The following CSMD1 variants were observed in gnomAD, a reference collection of about 807,000 sequenced individuals.
The protein encoded by CSMD1 is CUB and sushi domain-containing protein 1.
In CSMD1, 213 loss-of-function variants were observed where a neutral mutation model predicts 417.5. The observed-to-expected ratio is 0.51, with a 90% confidence interval of 0.46 to 0.57. The LOEUF (loss-of-function observed/expected upper bound fraction) is 0.57. Among genes scored for constraint, CSMD1 ranks in the 20% least tolerant of loss-of-function variants. CSMD1 has a pLI of 0.00. For synonymous variants in CSMD1, 2,862 were observed against 1,736.8 expected (o/e 1.65, Z -16.11); for missense variants, 6,923 against 4,529.7 (o/e 1.53, Z -15.17).
intron 5 of CSMD1, among the ~76,000 whole-genome samples, chr8:3,922,618 G>T (rs1225055512): frequency 6.6e-6 from 1 of 152,008 alleles, no homozygotes; most frequent in African/African-American, 2.4e-5. Flanking sequence ...AGTCTATTTT[G>T]TGGCTGATAA....
intron 3 of CSMD1, among the ~76,000 whole-genome samples, chr8:4,075,865 A>G (rs567620395): frequency 1.4e-4 from 22 of 152,200 alleles, no homozygotes; most frequent in African/African-American, 5.1e-4. Context: ...GAGCCAGTTC[A>G]TATCTGTTCT....
At chr8:3,006,578 T>C (rs1807924361) in intron 52 of CSMD1, among the ~76,000 whole-genome samples, 2 of 151,090 alleles carry the variant, frequency 1.3e-5, no homozygotes. Flanking sequence ...AGCAGAGATA[T>C]AGATCAATGG....
At chr8:4,016,095 G>A (rs1796510095) in intron 4 of CSMD1, among the ~76,000 whole-genome samples, 2 of 152,184 alleles carry the variant, frequency 1.3e-5, no homozygotes, top group Admixed American at 6.5e-5. Flanking sequence ...ATATTTACCA[G>A]GAAATTTTGG....
At chr8:3,931,046 G>T (rs576299793) in intron 5 of CSMD1, among the ~76,000 whole-genome samples, 1 of 150,298 alleles carries the variant, frequency 6.7e-6, no homozygotes, top group Non-Finnish European at 1.5e-5. Context: ...TCTTAACTGC[G>T]GTATGATCGC....
intron 3 of CSMD1, among the ~76,000 whole-genome samples, chr8:4,321,894 T>G (rs1292042640): frequency 6.6e-6 from 1 of 152,078 alleles, no homozygotes; most frequent in East Asian, 1.9e-4. Context: ...TCATTGTGAT[T>G]TATTAGACTT....
chr8:4,837,323 A>G (rs1800553791), intron 1 of CSMD1, among the ~76,000 whole-genome samples: 1 of 152,220 alleles, frequency 6.6e-6, no homozygotes, highest in Non-Finnish European at 1.5e-5. Context: ...ACTGTTTACA[A>G]TAGCAGAGAT....
chr8:4,965,866 A>G (rs775602115), intron 1 of CSMD1, among the ~76,000 whole-genome samples: 1 of 152,158 alleles, frequency 6.6e-6, no homozygotes, highest in Non-Finnish European at 1.5e-5. Flanking sequence ...ATGTTAAAAT[A>G]AAGAAGATAT....
At chr8:4,195,389 T>A (rs1350503070) in intron 3 of CSMD1, among the ~76,000 whole-genome samples, 1 of 152,320 alleles carries the variant, frequency 6.6e-6, no homozygotes, top group East Asian at 1.9e-4. Context: ...TTTTTTAAAA[T>A]TATAAAATCT....
chr8:3,219,869 G>A (rs1166592610), intron 28 of CSMD1, among the ~76,000 whole-genome samples: 1 of 151,890 alleles, frequency 6.6e-6, no homozygotes, highest in African/African-American at 2.4e-5. Flanking sequence ...TGAAAATATT[G>A]CAATTTCAAA....
At chr8:4,059,878 G>C (rs565907397) in intron 3 of CSMD1, among the ~76,000 whole-genome samples, 2 of 150,738 alleles carry the variant, frequency 1.3e-5, no homozygotes, top group African/African-American at 2.4e-5. Context: ...GGAGGAACTG[G>C]TACCATTCCT....
intron 3 of CSMD1, among the ~76,000 whole-genome samples, chr8:4,314,546 G>C (rs1262445475): frequency 6.6e-6 from 1 of 152,046 alleles, no homozygotes; most frequent in Non-Finnish European, 1.5e-5. Context: ...TACTAAAGAT[G>C]ATTCTAAACT....
chr8:3,279,466 T>C (rs931476112), intron 26 of CSMD1, among the ~76,000 whole-genome samples: 1 of 152,212 alleles, frequency 6.6e-6, no homozygotes, highest in African/African-American at 2.4e-5. Context: ...GCATTTCATA[T>C]GCTTGCCAAG....
intron 12 of CSMD1, among the ~76,000 whole-genome samples, chr8:3,421,876 G>A (rs1034105735): frequency 2.3e-4 from 35 of 149,644 alleles, no homozygotes; most frequent in African/African-American, 8.7e-4. Flanking sequence ...AACTTCAGGC[G>A]ATCCACCCAC....
intron 5 of CSMD1, among the ~76,000 whole-genome samples, chr8:3,807,763 G>A (rs929308726): frequency 2.0e-5 from 3 of 151,948 alleles, no homozygotes; most frequent in South Asian, 4.1e-4. Flanking sequence ...TCTATTTTTA[G>A]TTCTCTCTCT....
chr8:4,051,911 C>CTTTT (rs1563058895), intron 3 of CSMD1, among the ~76,000 whole-genome samples: 1 of 128,752 alleles, frequency 7.8e-6, no homozygotes, highest in East Asian at 2.9e-4. Flanking sequence ...TTCCTTCCTT[C>CTTTT]CTTTCTTTCT....
intron 5 of CSMD1, among the ~76,000 whole-genome samples, chr8:3,891,827 C>G (rs1353713561): frequency 3.9e-5 from 6 of 152,132 alleles, no homozygotes; most frequent in Non-Finnish European, 7.4e-5. Flanking sequence ...CTAATTCTCT[C>G]ATCTGTAATG....
intron 40 of CSMD1, among the ~76,000 whole-genome samples, chr8:3,150,857 T>G (rs1307710348): frequency 1.3e-5 from 2 of 152,066 alleles, no homozygotes; most frequent in African/African-American, 4.8e-5. Flanking sequence ...TACACAACAA[T>G]TAAATTTATG....
In CSMD1 at chr8:3,478,815, T is replaced by C. The variant is rs112089608; in HGVS notation, c.1449-9991A>G. On this transcript the variant is annotated intron_variant, in intron 11 of 69. Coordinates refer to ENST00000635120, the MANE Select transcript of CSMD1 (RefSeq NM_033225.6). Reference sequence around the variant, plus strand: ...GGGCTGCCTTGTCGAAGAAAAAATATCTAAGAAGGCAGAACCTGCAAGAGG... The same window carrying C: ...GGGCTGCCTTGTCGAAGAAAAAATACCTAAGAAGGCAGAACCTGCAAGAGG... Among the ~76,000 whole-genome samples the C allele has an allele frequency of 2.7e-3, 417 of 152,234 alleles. 2 individuals are homozygous for C. Among genetic ancestry groups the C allele is most frequent in the Non-Finnish European group, 5.1e-3 (347 of 68,004 alleles).
At chr8:3,865,505 A>G (rs1422275383) in intron 5 of CSMD1, among the ~76,000 whole-genome samples, 1 of 151,810 alleles carries the variant, frequency 6.6e-6, no homozygotes, top group Non-Finnish European at 1.5e-5. Context: ...AAGGGTGACA[A>G]TAGTGGGGGA....
Sources: gnomAD v4.1 joint callset for allele counts (sites outside exome capture counted in the v4.1 genomes callset) on GRCh38, gnomAD v4.1.1 for gene constraint, MANE v1.5 for transcripts, NCBI Gene and HGNC (gene_info 2026-07-23, HGNC 2026-07-21) for gene names.